The following DAPK1 variants were observed in gnomAD, a reference collection of about 807,000 sequenced individuals.
The protein encoded by DAPK1 is death-associated protein kinase 1.
Under a neutral mutation model 144.9 loss-of-function variants are expected in DAPK1, and 56 were observed. The ratio of observed to expected loss-of-function variants is 0.39; its 90% CI spans 0.31 to 0.48. DAPK1 has a LOEUF of 0.48. Among genes scored for constraint, DAPK1 ranks in the 20% least tolerant of loss-of-function variants. The probability of loss-of-function intolerance (pLI) is 0.95; values close to 1 mark genes in which losing one functional copy is unlikely to be tolerated. For missense variants in DAPK1, 1,454 were observed against 1,875.4 expected (o/e 0.78, Z 4.15); for synonymous variants, 690 against 749.0 (o/e 0.92, Z 1.29).
intron 3 of DAPK1, chr9:87,633,160 T>C: frequency 3.1e-6 from 3 of 983,086 alleles, no homozygotes; most frequent in Non-Finnish European, 3.6e-6. Context: ...GGAGGATGAG[T>C]ATATATGTAG....
intron 2 of DAPK1, among the ~76,000 whole-genome samples, chr9:87,538,601 C>G (rs1021235292): frequency 6.6e-6 from 1 of 152,148 alleles, no homozygotes; most frequent in African/African-American, 2.4e-5. Context: ...TTGAACAGTT[C>G]TTTTAAAATA....
chr9:87,498,453 G>C (rs1824266765), intron 1 of DAPK1: 2 of 281,148 alleles, frequency 7.1e-6, no homozygotes, highest in African/African-American at 4.4e-5. Context: ...GAGTCGCCAG[G>C]AATGTGGCTC....
intron 11 of DAPK1, 140 bp from the exon 12 acceptor site, chr9:87,645,755 A>T (rs1830244552): frequency 9.4e-7 from 1 of 1,065,522 alleles, no homozygotes; most frequent in Non-Finnish European, 1.3e-6. Flanking sequence ...TCCCTCCATG[A>T]CTGTATGGAT....
chr9:87,679,908 G>C (rs1425505643), intron 19 of DAPK1, among the ~76,000 whole-genome samples: 2 of 152,118 alleles, frequency 1.3e-5, no homozygotes, highest in African/African-American at 4.8e-5. Context: ...CCTCCACACA[G>C]AGAGGGACAG....
chr9:87,511,318 A>C (rs1824834654), intron 2 of DAPK1, among the ~76,000 whole-genome samples: 1 of 152,208 alleles, frequency 6.6e-6, no homozygotes, highest in Admixed American at 6.5e-5. Flanking sequence ...AGGGTTCCTA[A>C]GAAACATATT....
intron 21 of DAPK1, among the ~76,000 whole-genome samples, chr9:87,691,906 G>A (rs146083208): frequency 9.6e-4 from 146 of 152,154 alleles, no homozygotes; most frequent in African/African-American, 3.3e-3. Context: ...CCTGATATAT[G>A]TTCTATCCTG....
intron 20 of DAPK1, 47 bp downstream of exon 20, chr9:87,681,673 C>T (rs755055370): frequency 1.1e-6 from 1 of 951,784 alleles, no homozygotes; most frequent in Non-Finnish European, 1.7e-6. Flanking sequence ...GTGTTGGCTT[C>T]CGCACTCTCT....
intron 1 of DAPK1, chr9:87,498,643 A>C (rs1824275399): frequency 5.9e-6 from 2 of 340,746 alleles, no homozygotes; most frequent in Non-Finnish European, 1.1e-5. Flanking sequence ...GGAGGTGGGA[A>C]AGCTGGGTGG....
intron 3 of DAPK1, chr9:87,633,474 G>C (rs1329637844): frequency 2.8e-6 from 2 of 723,748 alleles, no homozygotes; most frequent in Non-Finnish European, 3.4e-6. Flanking sequence ...TTGGTTGCCT[G>C]GACAGCCATG....
intron 2 of DAPK1, among the ~76,000 whole-genome samples, chr9:87,572,878 TC>T (rs1245221636): frequency 3.3e-5 from 5 of 152,138 alleles, no homozygotes; most frequent in African/African-American, 1.2e-4. Flanking sequence ...AAAACACACA[TC>T]CAGATGAAGC....
chr9:87,619,430 G>T (rs920517906), intron 3 of DAPK1, among the ~76,000 whole-genome samples: 3 of 152,182 alleles, frequency 2.0e-5, no homozygotes, highest in African/African-American at 4.8e-5. Flanking sequence ...TTCTGTCAGG[G>T]AGACTGGCTG....
intron 2 of DAPK1, among the ~76,000 whole-genome samples, chr9:87,571,527 A>ACACACACACACACACACACC (rs1554684291): frequency 2.1e-5 from 3 of 141,382 alleles, no homozygotes; most frequent in African/African-American, 5.5e-5. Context: ...ACACACACAC[A>ACACACACACACACACACACC]CCAGAAGCGA....
chr9:87,632,052 GTATA>G (rs1829707291), intron 3 of DAPK1: 1 of 777,334 alleles, frequency 1.3e-6, no homozygotes, highest in African/African-American at 1.8e-5. Context: ...AGGAGGATGA[GTATA>G]TATGTAAGGA....
At chr9:87,607,169 G>A (rs149495561) in intron 3 of DAPK1, among the ~76,000 whole-genome samples, 72 of 152,252 alleles carry the variant, frequency 4.7e-4, no homozygotes, top group African/African-American at 1.6e-3. Context: ...AAATCATGGT[G>A]TAATCCTCAC....
intron 19 of DAPK1, among the ~76,000 whole-genome samples, chr9:87,673,922 T>G (rs1824265879): frequency 6.6e-6 from 1 of 152,160 alleles, no homozygotes; most frequent in African/African-American, 2.4e-5. Context: ...TACCTTCTAC[T>G]TCCTTGCGCT....
At chr9:87,540,721 T>C (rs147141169) in intron 2 of DAPK1, among the ~76,000 whole-genome samples, 1 of 152,306 alleles carries the variant, frequency 6.6e-6, no homozygotes, top group East Asian at 1.9e-4. Flanking sequence ...ATAATAGGCT[T>C]ATCAGTGTGA....
In DAPK1 at chr9:87,703,225, C is replaced by T; in HGVS notation, c.3060+8C>T. 6.3e-7 allele frequency: 1 copy of T among 1,580,832 alleles called. No individual in the cohort carries two copies. The highest frequency in any genetic ancestry group is 8.7e-7 in the Non-Finnish European group (1 of 1,150,626). ...CTCCACAGCACAGGCGAGGTGAGCC[C>T]CTGGGAGCCCAGGCAGGGGGCCGTG... On this transcript the variant is annotated splice_region_variant and intron_variant, in intron 25 of 25. Coordinates refer to ENST00000408954, the MANE Select transcript of DAPK1 (RefSeq NM_004938.4).
intron 21 of DAPK1, among the ~76,000 whole-genome samples, chr9:87,689,746 G>A (rs1408373532): frequency 2.0e-5 from 3 of 152,062 alleles, no homozygotes; most frequent in African/African-American, 7.2e-5. Context: ...TCCCAGCAGC[G>A]TTTATTTACA....
chr9:87,645,746 C>T, intron 11 of DAPK1, 149 bp from the exon 12 acceptor site: 3 of 918,656 alleles, frequency 3.3e-6, no homozygotes, highest in Non-Finnish European at 4.7e-6. Flanking sequence ...CTTCCTAGGT[C>T]CCTCCATGAC....
Sources: allele counts gnomAD v4.1 joint callset (sites outside exome capture counted in the v4.1 genomes callset), GRCh38; gene constraint gnomAD v4.1.1; transcripts MANE v1.5; gene names NCBI Gene and HGNC (gene_info 2026-07-23, HGNC 2026-07-21).